TRPC6: variants seen among roughly 807,000 people sequenced by gnomAD.
TRPC6 encodes short transient receptor potential channel 6.
TRPC6 carries 55 observed loss-of-function variants against 90.7 expected under a neutral mutation model. That is an observed-to-expected ratio of 0.61 (90% CI 0.49 to 0.76). The LOEUF is 0.76. TRPC6 is among the 30% of genes least tolerant of loss of function. TRPC6 has a pLI of 0.00. For missense variants in TRPC6, 989 were observed against 1,122.7 expected, an observed-to-expected ratio of 0.88 and a Z score of 1.70; for synonymous variants, 393 against 393.0, an observed-to-expected ratio of 1.00 and a Z score of 0.00.
At position 101,583,403 on chromosome 11, in the gene TRPC6, A is replaced by C. The variant is rs758531773; in HGVS notation, c.101T>G (p.Met34Arg). ...RRNESQDYLL[M>R]DSELGEDGCP... ...GCCGTCTTCTCCCAGCTCCGAGTCC[A>C]TGAGCAGATAGTCCTGGCTCTCGTT... The change falls in exon 1 of 13, where the codon ATG becomes AGG. Residue 34 changes from methionine to arginine, a missense_variant. Physicochemically the swap from Met to Arg is moderately conservative, Grantham distance 91. Coordinates refer to ENST00000344327, the MANE Select transcript of TRPC6 (RefSeq NM_004621.6). The C allele has an allele frequency of 3.8e-6, 6 of 1,586,340 alleles. No individual in the cohort carries two copies. In the South Asian group the frequency reaches 4.6e-5, roughly 12 times the overall value.
Position 101,504,012 on chromosome 11 carries a change from T to C in TRPC6, c.945+12A>G. ...CTTGTGGAGGGTGAAGTCTCTATTG[T>C]TAGTGACCTACCTTGAACTCTTTCT... is the stretch of plus-strand genomic sequence containing the variant. On this transcript the variant is annotated intron_variant, in intron 2 of 12. Transcript: ENST00000344327. 1 of 1,614,000 alleles carries C rather than the reference T, an allele frequency of 6.2e-7. No homozygotes were observed. The highest frequency in any genetic ancestry group is 8.5e-7 in the Non-Finnish European group (1 of 1,179,906).
At chr11:101,464,275 T>G (rs952465836) in intron 10 of TRPC6, among the ~76,000 whole-genome samples, 10 of 152,172 alleles carry the variant, frequency 6.6e-5, no homozygotes, top group Non-Finnish European at 1.3e-4. Flanking sequence ...TTCTGTTGAT[T>G]TGGGGTGGAG....
Position 101,557,082 on chromosome 11 carries a change from A to C in TRPC6, c.170+26252T>G, listed in dbSNP as rs182131140. ...CTCAATAAAATAAAGATGGCTGGGC[A>C]TGGTGGCTCATGCCTGTAACGCCAG... On this transcript the variant is annotated intron_variant, in intron 1 of 12. Coordinates refer to ENST00000344327, the MANE Select transcript of TRPC6 (RefSeq NM_004621.6). 9.7e-4 allele frequency among the ~76,000 whole-genome samples: 148 copies of C among 152,296 alleles called. 3 individuals are homozygous for C. Among genetic ancestry groups the C allele is most frequent in the Non-Finnish European group, 9.4e-4 (64 of 68,010 alleles).
intron 2 of TRPC6, among the ~76,000 whole-genome samples, chr11:101,503,725 C>T (rs574011324): frequency 3.3e-5 from 5 of 152,166 alleles, no homozygotes; most frequent in East Asian, 3.9e-4. Context: ...TGGGCATTAG[C>T]GAAACTTTCT....
chr11:101,487,316 G>A (rs1859698878), intron 4 of TRPC6, among the ~76,000 whole-genome samples: 1 of 152,088 alleles, frequency 6.6e-6, no homozygotes, highest in Non-Finnish European at 1.5e-5. Flanking sequence ...AATATAAGGA[G>A]AAGAAGAACA....
intron 6 of TRPC6, among the ~76,000 whole-genome samples, chr11:101,475,544 T>C (rs78340860): frequency 0.022 from 3,402 of 152,232 alleles, 127 homozygotes; most frequent in African/African-American, 0.076. Context: ...TCCCTTATTA[T>C]AAGCTCTAAC....
chr11:101,566,560 C>T (rs1259715507), intron 1 of TRPC6, among the ~76,000 whole-genome samples: 1 of 152,070 alleles, frequency 6.6e-6, no homozygotes, highest in Non-Finnish European at 1.5e-5. Flanking sequence ...GAATATATCA[C>T]CCAGGTCTTA....
At chr11:101,562,053 G>C (rs1024701746) in intron 1 of TRPC6, among the ~76,000 whole-genome samples, 1 of 152,202 alleles carries the variant, frequency 6.6e-6, no homozygotes, top group Middle Eastern at 3.4e-3. Context: ...GGTTGCCTGG[G>C]TGAGTGAAGT....
chr11:101,454,784 ACT>A (rs1009339767), intron 11 of TRPC6, among the ~76,000 whole-genome samples: 8 of 151,770 alleles, frequency 5.3e-5, no homozygotes, highest in South Asian at 2.1e-4. Context: ...TTCAATGAAC[ACT>A]CTCTTTTTTA....
chr11:101,548,474 ATATC>A (rs1237246683), intron 1 of TRPC6, among the ~76,000 whole-genome samples: 2 of 67,268 alleles, frequency 3.0e-5, no homozygotes, highest in Admixed American at 1.8e-4. Context: ...ATATATATAT[ATATC>A]TCTCTCTCTC....
rs1174225066 is a variant in TRPC6 at position 101,558,166 on chromosome 11, A to C, written c.170+25168T>G. 2.1e-5 allele frequency among the ~76,000 whole-genome samples: 2 copies of C among 94,070 alleles called. 1 individual carries two copies. Among genetic ancestry groups the C allele is most frequent in the African/African-American group, 9.0e-5 (2 of 22,286 alleles). 61.7% of individuals were successfully genotyped at this position (94,070 alleles called of 152,430 possible). On this transcript the variant is annotated intron_variant, in intron 1 of 12. Coordinates refer to ENST00000344327, the MANE Select transcript of TRPC6 (RefSeq NM_004621.6). ...AGAGCAAAGTACTGGCAAATACACA[A>C]ACACACAAATATATATAAACATACA... is the stretch of plus-strand genomic sequence containing the variant.
intron 10 of TRPC6, among the ~76,000 whole-genome samples, chr11:101,465,983 G>C (rs1418860684): frequency 6.6e-6 from 1 of 152,150 alleles, no homozygotes; most frequent in Non-Finnish European, 1.5e-5. Flanking sequence ...CTCTGATGGG[G>C]TCTCTTGAGT....
At position 101,491,835 on chromosome 11, in the gene TRPC6, TC is replaced by T. The variant is rs375953286; in HGVS notation, c.946-98del. ...GGATTTTATACTTTAAGAGAAACAT[TC>T]TTTTTTTTTTTTTTTTTTTTTTGAG... On this transcript the variant is annotated intron_variant, in intron 2 of 12. Transcript: ENST00000344327. The T allele has an allele frequency of 5.0e-3, 4,052 of 816,916 alleles. 14 individuals carry two copies. The highest frequency in any genetic ancestry group is 5.7e-3 in the Non-Finnish European group (3,288 of 577,162). 50.6% of individuals were successfully genotyped at this position (816,916 alleles called of 1,614,324 possible).
chr11:101,493,116 A>G (rs1013665597), intron 2 of TRPC6, among the ~76,000 whole-genome samples: 11 of 152,168 alleles, frequency 7.2e-5, no homozygotes, highest in African/African-American at 2.7e-4. Flanking sequence ...TTACACTAAG[A>G]CCACCTATAA....
At chr11:101,558,234 T>C (rs576499217) in intron 1 of TRPC6, among the ~76,000 whole-genome samples, 2,836 of 78,952 alleles carry the variant, frequency 0.036, 177 homozygotes, top group African/African-American at 0.052. Context: ...TACATGTATA[T>C]GGGTATACAT....
At chr11:101,527,176 A>G (rs1350431539) in intron 1 of TRPC6, among the ~76,000 whole-genome samples, 1 of 152,122 alleles carries the variant, frequency 6.6e-6, no homozygotes, top group Non-Finnish European at 1.5e-5. Flanking sequence ...ACTGCAATAT[A>G]TTATTTACCT....
At chr11:101,454,018 T>G (rs1013475294) in intron 11 of TRPC6, among the ~76,000 whole-genome samples, 1 of 152,186 alleles carries the variant, frequency 6.6e-6, no homozygotes, top group African/African-American at 2.4e-5. Context: ...TGAAAAGTAT[T>G]AGAGTAAGAC....
intron 1 of TRPC6, among the ~76,000 whole-genome samples, chr11:101,555,844 C>A (rs1265880147): frequency 1.3e-5 from 2 of 152,012 alleles, no homozygotes; most frequent in Non-Finnish European, 2.9e-5. Context: ...CAAGACAGAT[C>A]ACTTGTTAGG....
chr11:101,455,196 A>C, intron 10 of TRPC6, 95 bp from the exon 11 acceptor site: 1 of 969,464 alleles, frequency 1.0e-6, no homozygotes, highest in Non-Finnish European at 1.6e-6. Context: ...ATAGTCTTAC[A>C]TACACAAATT....
Sources: allele counts gnomAD v4.1 joint callset (sites outside exome capture counted in the v4.1 genomes callset), GRCh38; gene constraint gnomAD v4.1.1; transcripts MANE v1.5; gene names NCBI Gene and HGNC (gene_info 2026-07-23, HGNC 2026-07-21).